The following FARS2 variants were observed in gnomAD, a reference collection of about 807,000 sequenced individuals.
FARS2 encodes the protein phenylalanyl-tRNA synthetase 2, mitochondrial, also known as phenylalanine--tRNA ligase, mitochondrial.
FARS2 carries 40 observed loss-of-function variants against 46.4 expected under a neutral mutation model. The ratio of observed to expected loss-of-function variants is 0.86; its 90% CI spans 0.67 to 1.12. FARS2 has a LOEUF of 1.12. Among genes scored for constraint, FARS2 ranks in the 50% most tolerant of loss-of-function variants. The probability of loss-of-function intolerance (pLI) is 0.00; values close to 1 mark genes in which losing one functional copy is unlikely to be tolerated. For missense variants in FARS2, 513 were observed against 567.9 expected (o/e 0.90, Z 0.98); for synonymous variants, 234 against 214.9 (o/e 1.09, Z -0.78).
At chr6:5,546,146 TA>T (rs1423904759) in intron 5 of FARS2, among the ~76,000 whole-genome samples, 2 of 151,590 alleles carry the variant, frequency 1.3e-5, no homozygotes, top group African/African-American at 4.9e-5. Flanking sequence ...AAGAAGTTCC[TA>T]AATAGAGGTC....
intron 4 of FARS2, among the ~76,000 whole-genome samples, chr6:5,444,466 C>CAAA (rs751990577): frequency 4.4e-5 from 4 of 91,476 alleles, no homozygotes; most frequent in Non-Finnish European, 7.5e-5. Flanking sequence ...GACTCTGTCT[C>CAAA]AAAAAAAAAA....
At chr6:5,438,159 A>T (rs1763631368) in intron 4 of FARS2, among the ~76,000 whole-genome samples, 1 of 150,102 alleles carries the variant, frequency 6.7e-6, no homozygotes, top group South Asian at 2.1e-4. Context: ...AAATACTAGT[A>T]TCTTTCCTTT....
At chr6:5,604,803 C>T (rs1014173805) in intron 5 of FARS2, among the ~76,000 whole-genome samples, 15 of 152,088 alleles carry the variant, frequency 9.9e-5, no homozygotes, top group Admixed American at 1.3e-4. Context: ...TTAAGTCGGT[C>T]GTCTCAGCTG....
chr6:5,460,204 ACT>A (rs1450730813), intron 4 of FARS2, among the ~76,000 whole-genome samples: 4 of 151,998 alleles, frequency 2.6e-5, no homozygotes, highest in Non-Finnish European at 5.9e-5. Context: ...GCAAACACAT[ACT>A]CTCTGCAAAT....
chr6:5,296,394 G>A (rs1377591066), intron 1 of FARS2, among the ~76,000 whole-genome samples: 1 of 152,074 alleles, frequency 6.6e-6, no homozygotes, highest in Non-Finnish European at 1.5e-5. Flanking sequence ...GCCCGCCTTG[G>A]CCTCCCAAAG....
intron 1 of FARS2, among the ~76,000 whole-genome samples, chr6:5,304,809 G>A (rs1424771676): frequency 6.6e-6 from 1 of 152,168 alleles, no homozygotes; most frequent in Non-Finnish European, 1.5e-5. Flanking sequence ...ATGGATTAAA[G>A]CAAGGGTATA....
intron 6 of FARS2, among the ~76,000 whole-genome samples, chr6:5,721,646 T>G (rs977288513): frequency 1.1e-4 from 17 of 152,224 alleles, no homozygotes; most frequent in African/African-American, 3.6e-4. Flanking sequence ...CATTCATTAG[T>G]ATCATCACCA....
intron 6 of FARS2, among the ~76,000 whole-genome samples, chr6:5,649,649 C>G (rs570434655): frequency 1.3e-5 from 2 of 152,200 alleles, no homozygotes; most frequent in African/African-American, 2.4e-5. Context: ...AATACTGCAG[C>G]TATTACCATT....
At chr6:5,444,721 C>T (rs1764079073) in intron 4 of FARS2, among the ~76,000 whole-genome samples, 1 of 152,136 alleles carries the variant, frequency 6.6e-6, no homozygotes, top group South Asian at 2.1e-4. Flanking sequence ...GTGGGTGGAC[C>T]CCCCACTCCT....
At chr6:5,558,917 A>G (rs1771826973) in intron 5 of FARS2, among the ~76,000 whole-genome samples, 1 of 152,116 alleles carries the variant, frequency 6.6e-6, no homozygotes, top group Non-Finnish European at 1.5e-5. Context: ...TCCATATGGC[A>G]GAGTTTGAAC....
chr6:5,365,857 T>G (rs1328008959), intron 1 of FARS2, among the ~76,000 whole-genome samples: 1 of 152,170 alleles, frequency 6.6e-6, no homozygotes, highest in Non-Finnish European at 1.5e-5. Context: ...AAAATGTTAT[T>G]AAGAAAATCA....
Position 5,601,921 on chromosome 6 carries a change from T to C in FARS2, c.1066-11248T>C, listed in dbSNP as rs1161869990. ...GTGGTCCTTTAACTAAACGTGGCCATGGTTAGAAGCTGACTCAAAGTCACC... is the reference window on the plus strand; with the variant it reads ...GTGGTCCTTTAACTAAACGTGGCCACGGTTAGAAGCTGACTCAAAGTCACC... On this transcript the variant is annotated intron_variant, in intron 5 of 6. Transcript: ENST00000274680. Among the ~76,000 whole-genome samples the C allele has an allele frequency of 2.6e-5, 4 of 152,186 alleles. No individual in the cohort carries two copies. In the East Asian group the frequency reaches 7.7e-4, roughly 29 times the overall value.
chr6:5,454,951 G>A (rs536862773), intron 4 of FARS2, among the ~76,000 whole-genome samples: 80 of 152,286 alleles, frequency 5.3e-4, no homozygotes, highest in African/African-American at 1.9e-3. Flanking sequence ...CATCACCACT[G>A]TAGTAAACCA....
chr6:5,705,410 G>A (rs1408635161), intron 6 of FARS2, among the ~76,000 whole-genome samples: 3 of 152,210 alleles, frequency 2.0e-5, no homozygotes, highest in African/African-American at 7.2e-5. Flanking sequence ...AGCGATTGCG[G>A]TGTGCTGAAG....
At chr6:5,658,698 G>A (rs560851581) in intron 6 of FARS2, among the ~76,000 whole-genome samples, 1 of 152,298 alleles carries the variant, frequency 6.6e-6, no homozygotes, top group Admixed American at 6.5e-5. Flanking sequence ...TAGATAGATG[G>A]TTAGCAAAAT....
chr6:5,484,358 G>A (rs564968051), intron 4 of FARS2, among the ~76,000 whole-genome samples: 3 of 152,114 alleles, frequency 2.0e-5, no homozygotes, highest in Non-Finnish European at 2.9e-5. Context: ...AATCAGAATC[G>A]TGTGAATATT....
chr6:5,606,495 C>CA lies in FARS2; in HGVS notation c.1066-6666dup, dbSNP rs770716269. Among the ~76,000 whole-genome samples the CA allele has an allele frequency of 2.1e-4, 31 of 151,038 alleles. 1 individual carries two copies. The highest frequency in any genetic ancestry group is 1.4e-3 in the East Asian group (7 of 5,144). On this transcript the variant is annotated intron_variant, in intron 5 of 6. Coordinates refer to ENST00000274680, the MANE Select transcript of FARS2 (RefSeq NM_006567.5). Reference sequence around the variant, plus strand: ...TTTGCCTCCTGTGGACTTTCACTGCCAAAAAAAACTGTTGAATGATACTTA... The same window carrying CA: ...TTTGCCTCCTGTGGACTTTCACTGCCAAAAAAAAACTGTTGAATGATACTTA...
intron 5 of FARS2, among the ~76,000 whole-genome samples, chr6:5,564,615 T>C (rs913531439): frequency 6.6e-6 from 1 of 152,188 alleles, no homozygotes; most frequent in African/African-American, 2.4e-5. Context: ...TGAATAAACT[T>C]TAGACTTAAA....
In FARS2 at chr6:5,680,704, C is replaced by A. The variant is rs902854907; in HGVS notation, c.1217+67384C>A. Among the ~76,000 whole-genome samples the A allele has an allele frequency of 2.0e-5, 3 of 150,468 alleles. No homozygotes were observed. In the East Asian group the frequency reaches 5.8e-4, roughly 29 times the overall value. On this transcript the variant is annotated intron_variant, in intron 6 of 6. Coordinates refer to ENST00000274680, the MANE Select transcript of FARS2 (RefSeq NM_006567.5). Reference sequence around the variant, plus strand: ...TTCCTTCTAATTTTGTTTTCATGCACCTCTTGTTTGTTCTGCAAAAAGTAC... The same window carrying A: ...TTCCTTCTAATTTTGTTTTCATGCAACTCTTGTTTGTTCTGCAAAAAGTAC...
Sources: gnomAD v4.1 joint callset for allele counts (sites outside exome capture counted in the v4.1 genomes callset) on GRCh38, gnomAD v4.1.1 for gene constraint, MANE v1.5 for transcripts, NCBI Gene and HGNC (gene_info 2026-07-23, HGNC 2026-07-21) for gene names.